MZT2A: variants seen among roughly 807,000 people sequenced by gnomAD.
MZT2A encodes the protein mitotic spindle organizing protein 2A, also known as mitotic-spindle organizing protein 2A.
MZT2A carries 8 observed loss-of-function variants against 12.4 expected under a neutral mutation model. That is an observed-to-expected ratio of 0.64 (90% CI 0.38 to 1.16). MZT2A has a LOEUF of 1.16. Ranked by LOEUF, MZT2A falls within the 50% of genes most tolerant of loss-of-function variation. MZT2A has a pLI of 0.01. For missense variants in MZT2A, 181 were observed against 223.6 expected (o/e 0.81, Z 1.22); for synonymous variants, 88 against 107.5 (o/e 0.82, Z 1.12).
intron 2 of MZT2A, among the ~76,000 whole-genome samples, chr2:131,484,812 C>T (rs1427426135): frequency 3.3e-5 from 5 of 152,310 alleles, no homozygotes; most frequent in Admixed American, 2.6e-4. Flanking sequence ...CTGCCAGATT[C>T]CATGACAGGG....
At chr2:131,473,123 AAG>A (rs1356146196) in intron 2 of MZT2A, among the ~76,000 whole-genome samples, 1 of 152,064 alleles carries the variant, frequency 6.6e-6, no homozygotes, top group Non-Finnish European at 1.5e-5. Context: ...GCAAACCAGG[AAG>A]AGAGGCCTCT....
At chr2:131,472,917 C>CCCCG (rs1553500056) in intron 2 of MZT2A, among the ~76,000 whole-genome samples, 2 of 151,410 alleles carry the variant, frequency 1.3e-5, no homozygotes, top group African/African-American at 4.9e-5. Flanking sequence ...TGGTGTCCCC[C>CCCCG]CCCACCAATA....
At chr2:131,482,804 G>A (rs768594659), downstream of MZT2A, 13 of 1,614,128 alleles carry the variant, frequency 8.1e-6, 1 homozygote, top group Middle Eastern at 4.9e-4. Context: ...AGAGGTGGGC[G>A]TGGATTCCGT....
At chr2:131,472,363 A>G (rs2928815) in intron 2 of MZT2A, among the ~76,000 whole-genome samples, 25,797 of 149,518 alleles carry the variant, frequency 0.17, 2,673 homozygotes, top group Non-Finnish European at 0.25. Flanking sequence ...ACTGTTTACT[A>G]CAAGTCAATT....
upstream of MZT2A, chr2:131,492,486 G>A (rs1282514628): frequency 2.7e-6 from 3 of 1,131,680 alleles, no homozygotes; most frequent in African/African-American, 4.9e-5. Flanking sequence ...TGCCCTGGCG[G>A]GAGCGGCGGG....
At chr2:131,485,291 C>A (rs1679011315) in intron 2 of MZT2A, among the ~76,000 whole-genome samples, 5 of 152,234 alleles carry the variant, frequency 3.3e-5, no homozygotes. Flanking sequence ...CATGTTCCCC[C>A]TGCAGGCTCA....
At chr2:131,479,835 G>A (rs537881082), downstream of MZT2A, among the ~76,000 whole-genome samples, 29 of 151,980 alleles carry the variant, frequency 1.9e-4, no homozygotes, top group South Asian at 1.7e-3. Context: ...GCAAGATTCC[G>A]TCTCAAACAA....
chr2:131,480,910 C>CTT (rs375835410), downstream of MZT2A, among the ~76,000 whole-genome samples: 81 of 146,118 alleles, frequency 5.5e-4, no homozygotes, highest in African/African-American at 1.9e-3. Context: ...TCAGTGATTT[C>CTT]TTTTTTTTTT....
In MZT2A at chr2:131,490,689, C is replaced by T. The variant is rs137933782; in HGVS notation, c.319+1187G>A. On this transcript the variant is annotated intron_variant, in intron 2 of 2. Transcript: ENST00000309451. ...GAAAACAAGGAAGAGCACCAACCCC[C>T]AGAGATAAGCCAATAAACGCAACCT... 1,510 of 1,549,510 alleles carry T rather than the reference C, an allele frequency of 9.7e-4. 16 individuals are homozygous for T. In the African/African-American group the frequency reaches 0.018, roughly 19 times the overall value.
intron 2 of MZT2A, among the ~76,000 whole-genome samples, chr2:131,488,537 C>T (rs1034072542): frequency 4.6e-5 from 7 of 152,000 alleles, no homozygotes; most frequent in African/African-American, 1.2e-4. Context: ...CCCCTCCCCC[C>T]GGATTACTCC....
At chr2:131,492,781 C>T (rs1374474143), upstream of MZT2A, 3 of 774,210 alleles carry the variant, frequency 3.9e-6, no homozygotes, top group African/African-American at 6.3e-5. Context: ...GGTCGCTCTT[C>T]GGGGGGGGTG....
chr2:131,490,123 C>T (rs1679228086), intron 2 of MZT2A: 2 of 692,496 alleles, frequency 2.9e-6, no homozygotes, highest in African/African-American at 1.9e-5. Context: ...TCAGGAGGCT[C>T]ATGCAGGAGG....
chr2:131,488,039 G>C (rs1559359216), intron 2 of MZT2A, among the ~76,000 whole-genome samples: 1 of 152,098 alleles, frequency 6.6e-6, no homozygotes, highest in African/African-American at 2.4e-5. Flanking sequence ...GGTGTGGTGG[G>C]TTTTTTGCAT....
At chr2:131,493,368 T>C (rs12990156), upstream of MZT2A, among the ~76,000 whole-genome samples, 34,499 of 152,126 alleles carry the variant, frequency 0.23, 4,988 homozygotes, top group East Asian at 0.67. Context: ...CACTCTGTTC[T>C]GGTCCGGTAG....
At chr2:131,479,339 C>T (rs1391778135), downstream of MZT2A, 4 of 1,614,018 alleles carry the variant, frequency 2.5e-6, no homozygotes, top group Non-Finnish European at 3.4e-6. Context: ...ACAGGCAGCT[C>T]TTCCACCCGG....
intron 2 of MZT2A, chr2:131,478,450 G>A (rs954949232): frequency 1.9e-5 from 27 of 1,434,164 alleles, no homozygotes; most frequent in South Asian, 4.1e-5. Flanking sequence ...GTAAAGCCCC[G>A]TGTGGGCTCC....
chr2:131,481,140 G>A (rs1438762657), downstream of MZT2A, among the ~76,000 whole-genome samples: 1 of 152,028 alleles, frequency 6.6e-6, no homozygotes, highest in Non-Finnish European at 1.5e-5. Flanking sequence ...CTGACCTCAG[G>A]TGATCTGCCT....
intron 2 of MZT2A, among the ~76,000 whole-genome samples, chr2:131,474,235 C>T (rs1440462059): frequency 6.6e-6 from 1 of 151,424 alleles, no homozygotes; most frequent in Non-Finnish European, 1.5e-5. Context: ...GTAGCTGGGA[C>T]TGCAGGCACC....
intron 2 of MZT2A, among the ~76,000 whole-genome samples, chr2:131,477,496 G>A (rs1347159057): frequency 6.6e-6 from 1 of 151,990 alleles, no homozygotes; most frequent in East Asian, 1.9e-4. Context: ...GTGGCCTTGA[G>A]AGGGATTCAG....
Sources: allele counts gnomAD v4.1 joint callset (sites outside exome capture counted in the v4.1 genomes callset), GRCh38; gene constraint gnomAD v4.1.1; transcripts MANE v1.5; gene names NCBI Gene and HGNC (gene_info 2026-07-23, HGNC 2026-07-21).